SLTM: variants seen among roughly 807,000 people sequenced by gnomAD.
SLTM encodes the protein SAFB like transcription modulator.
Under a neutral mutation model 134.6 loss-of-function variants are expected in SLTM, and 43 were observed. That is an observed-to-expected ratio of 0.32 (90% confidence interval 0.25 to 0.41). The LOEUF is 0.41. Ranked by LOEUF, SLTM falls within the 10% of genes least tolerant of loss-of-function variation. The probability of loss-of-function intolerance (pLI) is 1.00; values close to 1 mark genes in which losing one functional copy is unlikely to be tolerated. For missense variants in SLTM, 1,055 were observed against 1,288.8 expected (o/e 0.82, Z 2.78); for synonymous variants, 424 against 432.3 (o/e 0.98, Z 0.24).
At position 58,923,641 on chromosome 15, in the gene SLTM, G is replaced by A. The variant is rs932100117; in HGVS notation, c.251-6642C>T. ...GTCAAGTAACCATTTATGTCTACCC[G>A]ATTTAAACCTTTGCTATTAAAGCTC... is the stretch of plus-strand genomic sequence containing the variant. On this transcript the variant is annotated intron_variant, in intron 2 of 20. Coordinates refer to ENST00000380516, the MANE Select transcript of SLTM (RefSeq NM_024755.4). Among the ~76,000 whole-genome samples the A allele has an allele frequency of 7.2e-5, 11 of 152,116 alleles. 1 individual carries two copies. The highest frequency in any genetic ancestry group is 1.9e-4 in the East Asian group (1 of 5,184).
intron 3 of SLTM, 147 bp from the exon 4 acceptor site, chr15:58,913,843 T>A (rs533843538): frequency 5.1e-6 from 3 of 593,694 alleles, no homozygotes; most frequent in Middle Eastern, 4.2e-4. Flanking sequence ...CCTTATATAT[T>A]TACTGTGTCT....
At chr15:58,915,709 C>G (rs1481102447) in intron 3 of SLTM, among the ~76,000 whole-genome samples, 1 of 151,476 alleles carries the variant, frequency 6.6e-6, no homozygotes, top group Admixed American at 6.6e-5. Flanking sequence ...GGGGTTGTGT[C>G]TGTGTGTGTG....
chr15:58,894,323 T>G, intron 10 of SLTM, 110 bp downstream of exon 10: 3 of 1,472,318 alleles, frequency 2.0e-6, no homozygotes, highest in Non-Finnish European at 2.8e-6. Context: ...TACAAATACA[T>G]AAAAATTAAA....
At chr15:58,885,997 G>C (rs2034151515) in intron 19 of SLTM, among the ~76,000 whole-genome samples, 1 of 152,082 alleles carries the variant, frequency 6.6e-6, no homozygotes, top group Admixed American at 6.6e-5. Context: ...TGAGGCAAAA[G>C]GTTTTTGTTC....
At chr15:58,912,803 A>G (rs2036376890) in intron 4 of SLTM, 193 bp from the exon 5 acceptor site, 1 of 516,612 alleles carries the variant, frequency 1.9e-6, no homozygotes, top group African/African-American at 1.9e-5. Context: ...TCGCTAGAGA[A>G]TTAGAAATAT....
At chr15:58,884,822 T>TG (rs1463161382) in intron 19 of SLTM, among the ~76,000 whole-genome samples, 10 of 151,906 alleles carry the variant, frequency 6.6e-5, no homozygotes, top group Admixed American at 1.3e-4. Flanking sequence ...CCTATGGAGA[T>TG]GGGGGTCTCA....
At chr15:58,932,553 C>A (rs896780336) in intron 1 of SLTM, 110 bp from the exon 2 acceptor site, 16 of 680,014 alleles carry the variant, frequency 2.4e-5, no homozygotes, top group East Asian at 2.7e-5. Flanking sequence ...ATTAGAATTG[C>A]CAGTCATTTC....
intron 2 of SLTM, among the ~76,000 whole-genome samples, chr15:58,926,890 G>C (rs376594749): frequency 6.6e-6 from 1 of 152,036 alleles, no homozygotes; most frequent in South Asian, 2.1e-4. Flanking sequence ...GAGATTATAG[G>C]TGTGAGCCAC....
intron 2 of SLTM, among the ~76,000 whole-genome samples, chr15:58,919,618 A>T (rs1409868035): frequency 6.6e-6 from 1 of 152,062 alleles, no homozygotes; most frequent in Non-Finnish European, 1.5e-5. Context: ...CAACAGAGCG[A>T]GACCCTACCT....
chr15:58,933,611 C>T lies in SLTM; in HGVS notation c.-46G>A. ...CCGAGGCAGCGAGTGGGCTGCAGGG[C>T]GGCGGCAGCAGCGCCAACTTCCACC... On this transcript the variant is annotated 5_prime_UTR_variant, in exon 1 of 21. Coordinates refer to ENST00000380516, the MANE Select transcript of SLTM (RefSeq NM_024755.4). The T allele has an allele frequency of 1.3e-6, 2 of 1,502,002 alleles. No homozygotes were observed. Among genetic ancestry groups the T allele is most frequent in the South Asian group, 1.2e-5 (1 of 81,258 alleles). 93.0% of individuals were successfully genotyped at this position (1,502,002 alleles called of 1,614,324 possible). A position where few individuals can be genotyped will look rare whatever the true frequency, so the allele number is the denominator to read the frequency against.
chr15:58,917,029 C>A, intron 2 of SLTM, 30 bp from the exon 3 acceptor site: 1 of 1,604,076 alleles, frequency 6.2e-7, no homozygotes, highest in South Asian at 1.1e-5. Flanking sequence ...GGCTAACAAC[C>A]AATATTTTAT....
At chr15:58,929,039 T>G (rs1338951479) in intron 2 of SLTM, among the ~76,000 whole-genome samples, 1 of 152,118 alleles carries the variant, frequency 6.6e-6, no homozygotes, top group Non-Finnish European at 1.5e-5. Context: ...ATTTCCAGTT[T>G]TACAAAAGAG....
intron 2 of SLTM, among the ~76,000 whole-genome samples, chr15:58,920,537 C>T (rs2036952895): frequency 6.6e-6 from 1 of 151,732 alleles, no homozygotes; most frequent in African/African-American, 2.4e-5. Context: ...ACAGGAGAAT[C>T]ACCTGAACCC....
chr15:58,897,563 A>G (rs1249322852), intron 8 of SLTM: 1 of 172,522 alleles, frequency 5.8e-6, no homozygotes, highest in Non-Finnish European at 1.2e-5. Context: ...TCATTTAGGA[A>G]TGAACAGACT....
intron 2 of SLTM, among the ~76,000 whole-genome samples, chr15:58,923,322 A>G (rs2037228889): frequency 2.0e-5 from 3 of 152,126 alleles, no homozygotes; most frequent in Admixed American, 1.3e-4. Flanking sequence ...TGTGCCACTC[A>G]ATTTCAATCT....
intron 20 of SLTM, among the ~76,000 whole-genome samples, chr15:58,882,617 G>A (rs150740402): frequency 3.3e-5 from 5 of 152,294 alleles, no homozygotes; most frequent in South Asian, 2.1e-4. Context: ...AAAAGTCATC[G>A]GTGACCTTTA....
At chr15:58,895,250 T>G (rs1440768978) in intron 9 of SLTM, among the ~76,000 whole-genome samples, 1 of 152,198 alleles carries the variant, frequency 6.6e-6, no homozygotes, top group East Asian at 1.9e-4. Context: ...TTTCTAGTAT[T>G]TTATTGATGA....
At chr15:58,886,291 G>T (rs1415819529) in intron 19 of SLTM, among the ~76,000 whole-genome samples, 1 of 148,494 alleles carries the variant, frequency 6.7e-6, no homozygotes, top group East Asian at 2.0e-4. Flanking sequence ...TTTCCAGACA[G>T]GGTCTGGCTC....
At position 58,883,794 on chromosome 15, in the gene SLTM, A is replaced by C; in HGVS notation, c.2836-8T>G. ...TCGCTCCTCAGGATAGTGCTAAAAGAATAGCATATGAAAAGTCACTTGGCC... is the reference window on the plus strand; with the variant it reads ...TCGCTCCTCAGGATAGTGCTAAAAGCATAGCATATGAAAAGTCACTTGGCC... On this transcript the variant is annotated splice_region_variant and splice_polypyrimidine_tract_variant and intron_variant, in intron 19 of 20. Coordinates refer to ENST00000380516, the MANE Select transcript of SLTM (RefSeq NM_024755.4). 6.2e-7 allele frequency: 1 copy of C among 1,613,236 alleles called. No homozygotes were observed. The highest frequency in any genetic ancestry group is 1.1e-5 in the South Asian group (1 of 91,058).
Sources: allele counts gnomAD v4.1 joint callset (sites outside exome capture counted in the v4.1 genomes callset), GRCh38; gene constraint gnomAD v4.1.1; transcripts MANE v1.5; gene names NCBI Gene and HGNC (gene_info 2026-07-23, HGNC 2026-07-21).